Variants in NOS1AP observed in about 807,000 individuals in gnomAD.
NOS1AP encodes the protein carboxyl-terminal PDZ ligand of neuronal nitric oxide synthase protein.
In NOS1AP, 21 loss-of-function variants were observed where a neutral mutation model predicts 56.2. The observed-to-expected ratio is 0.37, with a 90% CI of 0.26 to 0.54. NOS1AP has a LOEUF of 0.54. NOS1AP is among the 20% of genes least tolerant of loss of function. NOS1AP has a pLI of 0.84. For synonymous variants in NOS1AP, 270 were observed against 274.6 expected (o/e 0.98, Z 0.17); for missense variants, 522 against 657.8 (o/e 0.79, Z 2.26).
chr1:162,297,067 C>T (rs1655488904), intron 3 of NOS1AP, among the ~76,000 whole-genome samples: 1 of 152,208 alleles, frequency 6.6e-6, no homozygotes, highest in African/African-American at 2.4e-5. Flanking sequence ...GGGATCCCAA[C>T]CCCAGACAGT....
At chr1:162,077,663 C>A (rs974080922) in intron 1 of NOS1AP, among the ~76,000 whole-genome samples, 2 of 151,536 alleles carry the variant, frequency 1.3e-5, no homozygotes, top group African/African-American at 4.9e-5. Flanking sequence ...GTTAGTCTGC[C>A]CTTGTCCTCT....
chr1:162,182,092 G>A (rs1424674061), intron 2 of NOS1AP, among the ~76,000 whole-genome samples: 2 of 152,178 alleles, frequency 1.3e-5, no homozygotes, highest in Non-Finnish European at 2.9e-5. Context: ...TACTAGAGGA[G>A]GAAGCCAGGG....
chr1:162,140,548 C>T (rs1242288131), intron 1 of NOS1AP, among the ~76,000 whole-genome samples: 2 of 152,158 alleles, frequency 1.3e-5, no homozygotes, highest in Non-Finnish European at 2.9e-5. Context: ...AGTTCACTGT[C>T]GATGGACACC....
chr1:162,206,865 G>A (rs1233900660), intron 2 of NOS1AP, among the ~76,000 whole-genome samples: 1 of 152,134 alleles, frequency 6.6e-6, no homozygotes, highest in African/African-American at 2.4e-5. Context: ...CTCAAAACGT[G>A]GTTGCTTGGA....
At chr1:162,343,013 G>A (rs369626256) in intron 5 of NOS1AP, among the ~76,000 whole-genome samples, 3 of 152,280 alleles carry the variant, frequency 2.0e-5, no homozygotes, top group East Asian at 1.9e-4. Flanking sequence ...AGCAAAAGCT[G>A]ACATCTTCAA....
At chr1:162,314,807 G>A (rs772892563) in intron 4 of NOS1AP, among the ~76,000 whole-genome samples, 3 of 152,184 alleles carry the variant, frequency 2.0e-5, no homozygotes, top group Admixed American at 6.5e-5. Flanking sequence ...TCCAAGGTAA[G>A]ACTCCTATTT....
chr1:162,084,433 A>G (rs1407546165), intron 1 of NOS1AP, among the ~76,000 whole-genome samples: 1 of 152,104 alleles, frequency 6.6e-6, no homozygotes, highest in Admixed American at 6.6e-5. Context: ...ACAACCACTA[A>G]TGCTGGCCTT....
At chr1:162,256,458 C>A (rs1387385248) in intron 2 of NOS1AP, among the ~76,000 whole-genome samples, 1 of 152,208 alleles carries the variant, frequency 6.6e-6, no homozygotes, top group Admixed American at 6.5e-5. Flanking sequence ...CCAATCCCCG[C>A]ACCGATTGTG....
chr1:162,308,625 A>G (rs1158718024), intron 4 of NOS1AP, among the ~76,000 whole-genome samples: 2 of 152,210 alleles, frequency 1.3e-5, no homozygotes, highest in African/African-American at 2.4e-5. Flanking sequence ...AAGCCCTTTC[A>G]TTCTGCAGTG....
At chr1:162,080,859 T>C (rs1691869526) in intron 1 of NOS1AP, among the ~76,000 whole-genome samples, 1 of 152,242 alleles carries the variant, frequency 6.6e-6, no homozygotes. Flanking sequence ...AAGCTCTTTC[T>C]ATGAAACGAT....
chr1:162,250,076 G>T (rs947759081), intron 2 of NOS1AP, among the ~76,000 whole-genome samples: 10 of 152,182 alleles, frequency 6.6e-5, no homozygotes, highest in Non-Finnish European at 1.3e-4. Context: ...TCAGAGCACT[G>T]CCTAGAGTCA....
chr1:162,187,175 C>A (rs1023543097), intron 2 of NOS1AP, among the ~76,000 whole-genome samples: 1 of 152,086 alleles, frequency 6.6e-6, no homozygotes, highest in African/African-American at 2.4e-5. Context: ...TCATGTTGCC[C>A]AGGCTGGTCT....
intron 2 of NOS1AP, among the ~76,000 whole-genome samples, chr1:162,208,127 C>T (rs1409192290): frequency 2.0e-5 from 3 of 152,108 alleles, no homozygotes; most frequent in African/African-American, 7.2e-5. Context: ...TCTGGGGATG[C>T]TATTGGAGCC....
intron 2 of NOS1AP, among the ~76,000 whole-genome samples, chr1:162,185,229 A>G (rs916243592): frequency 2.6e-5 from 4 of 152,186 alleles, no homozygotes. Flanking sequence ...CTCCATCTGC[A>G]GGGCCTTAAT....
chr1:162,212,723 A>G (rs867680486), intron 2 of NOS1AP, among the ~76,000 whole-genome samples: 2 of 152,176 alleles, frequency 1.3e-5, no homozygotes, highest in Non-Finnish European at 2.9e-5. Flanking sequence ...CCTAGAAAGT[A>G]TCAGTGAGTG....
At chr1:162,177,600 T>C (rs1651110416) in intron 2 of NOS1AP, among the ~76,000 whole-genome samples, 1 of 152,214 alleles carries the variant, frequency 6.6e-6, no homozygotes, top group South Asian at 2.1e-4. Context: ...TGCCTACTCT[T>C]TTTATTTACT....
chr1:162,324,192 A>G lies in NOS1AP; in HGVS notation c.345-8825A>G, dbSNP rs1656507696. ...GTCCGAGGGTCCTGAAAAGTGTGGG[A>G]TGGATGGTTTAAGCCCCCCAAATGT... On this transcript the variant is annotated intron_variant, in intron 4 of 9. Transcript: ENST00000361897. 2.0e-5 allele frequency among the ~76,000 whole-genome samples: 3 copies of G among 151,982 alleles called. No homozygotes were observed. In the South Asian group the frequency reaches 6.2e-4, roughly 32 times the overall value.
rs145709990 is a variant in NOS1AP, at chr1:162,325,582, C to T, written c.345-7435C>T. Among the ~76,000 whole-genome samples the T allele has an allele frequency of 3.8e-4, 58 of 152,236 alleles. No individual in the cohort carries two copies. In the East Asian group the frequency reaches 0.01, roughly 27 times the overall value. On this transcript the variant is annotated intron_variant, in intron 4 of 9. Coordinates refer to ENST00000361897, the MANE Select transcript of NOS1AP (RefSeq NM_014697.3). ...GGGCTGGGACGCTTAGGGAACCCTT[C>T]TTCCCGAGACCAGGAGTCATGCTGG...
At chr1:162,141,112 A>G (rs7520556) in intron 1 of NOS1AP, among the ~76,000 whole-genome samples, 1 of 152,098 alleles carries the variant, frequency 6.6e-6, no homozygotes, top group Non-Finnish European at 1.5e-5. Flanking sequence ...TTTGGCAAAT[A>G]GAAAGTGTTC....
Sources: allele counts gnomAD v4.1 joint callset (sites outside exome capture counted in the v4.1 genomes callset), GRCh38; gene constraint gnomAD v4.1.1; transcripts MANE v1.5; gene names NCBI Gene and HGNC (gene_info 2026-07-23, HGNC 2026-07-21).